SLC18A1: variants seen among roughly 807,000 people sequenced by gnomAD.
SLC18A1 encodes the protein solute carrier family 18 member A1.
A neutral mutation model predicts 53.7 loss-of-function variants in SLC18A1; 69 were observed. That is an observed-to-expected ratio of 1.28 (90% CI 1.06 to 1.57). The LOEUF (loss-of-function observed/expected upper bound fraction) is 1.57, where lower values mean the gene tolerates loss of function less well. SLC18A1 is among the 40% of genes most tolerant of loss of function. The pLI is 0.00. For synonymous variants in SLC18A1, 320 were observed against 248.1 expected, an observed-to-expected ratio of 1.29 and a Z score of -2.72; for missense variants, 932 against 668.1, an observed-to-expected ratio of 1.40 and a Z score of -4.35.
Position 20,151,154 on chromosome 8 carries a change from TTTTG to T in SLC18A1, c.1016-414_1016-411del, listed in dbSNP as rs1554534418. The stretch of plus-strand genomic sequence containing the variant: ...ACCTAGTTGTTTTTTTTTGTTTTTT[TTTTG>T]TTTGTTTGTTTGTTTGTTTGTTTTG... On this transcript the variant is annotated intron_variant, in intron 10 of 15. Transcript: ENST00000276373. 2.4e-3 allele frequency among the ~76,000 whole-genome samples: 348 copies of T among 147,488 alleles called. 3 individuals carry two copies. Among genetic ancestry groups the T allele is most frequent in the African/African-American group, 7.9e-3 (311 of 39,532 alleles).
chr8:20,157,165 TA>T (rs2071703959), intron 10 of SLC18A1, among the ~76,000 whole-genome samples: 1 of 152,206 alleles, frequency 6.6e-6, no homozygotes, highest in Non-Finnish European at 1.5e-5. Flanking sequence ...GGAAAATGAC[TA>T]GGGGTGCTGG....
intron 2 of SLC18A1, among the ~76,000 whole-genome samples, chr8:20,180,273 A>T (rs1428514177): frequency 2.0e-5 from 3 of 152,072 alleles, no homozygotes; most frequent in African/African-American, 7.2e-5. Context: ...TCTCAGAAAG[A>T]TCCTTTTTTA....
intron 10 of SLC18A1, among the ~76,000 whole-genome samples, chr8:20,159,594 A>G (rs1021628635): frequency 7.5e-6 from 1 of 132,770 alleles, no homozygotes; most frequent in African/African-American, 2.7e-5. Context: ...CTCCCATTAT[A>G]TGGTAGCTCT....
intron 10 of SLC18A1, among the ~76,000 whole-genome samples, chr8:20,162,455 T>C (rs1018055096): frequency 5.9e-5 from 9 of 152,230 alleles, no homozygotes; most frequent in African/African-American, 1.4e-4. Context: ...CTTTTAACCA[T>C]AAATTTCACC....
intron 10 of SLC18A1, among the ~76,000 whole-genome samples, chr8:20,162,001 G>A (rs73210894): frequency 0.33 from 50,738 of 152,104 alleles, 10,294 homozygotes; most frequent in Non-Finnish European, 0.45. Context: ...CATAGCTCTT[G>A]CATTCTGCGC....
At chr8:20,180,153 A>G (rs2072388230) in intron 2 of SLC18A1, among the ~76,000 whole-genome samples, 1 of 106,184 alleles carries the variant, frequency 9.4e-6, no homozygotes, top group African/African-American at 3.6e-5. Context: ...TTTCCCTGGG[A>G]GCAATGATTC....
chr8:20,176,493 C>G (rs1224609492), intron 4 of SLC18A1, among the ~76,000 whole-genome samples: 1 of 152,144 alleles, frequency 6.6e-6, no homozygotes, highest in East Asian at 1.9e-4. Flanking sequence ...TCTAGGCAAA[C>G]CAGGAGAGTT....
In SLC18A1 at chr8:20,181,068, G is replaced by T. The variant is rs541712683; in HGVS notation, c.-104C>A. ...CTTTATGGAAGAGGGGAGGGAGTCTGCCCAGACGAAGGAAACTCACTATTA... is the reference window on the plus strand; with the variant it reads ...CTTTATGGAAGAGGGGAGGGAGTCTTCCCAGACGAAGGAAACTCACTATTA... On this transcript the variant is annotated 5_prime_UTR_variant, in exon 2 of 16. Coordinates refer to ENST00000276373, the MANE Select transcript of SLC18A1 (RefSeq NM_003053.4). 2,643 of 1,391,428 alleles carry T rather than the reference G, an allele frequency of 1.9e-3. 1 individual carries two copies. Among genetic ancestry groups the T allele is most frequent in the Non-Finnish European group, 2.3e-3 (2,461 of 1,048,114 alleles). The allele number at this position is 1,391,428 out of a possible 1,614,324, so 86.2% of individuals were successfully genotyped here. A position where few individuals can be genotyped will look rare whatever the true frequency, so the allele number is the denominator to read the frequency against.
In SLC18A1 at chr8:20,176,736, T is replaced by G. The variant is rs563746825; in HGVS notation, c.547+1699A>C. Among the ~76,000 whole-genome samples, 3 of 152,330 alleles carry G rather than the reference T, an allele frequency of 2.0e-5. 1 individual carries two copies. In the South Asian group the frequency reaches 6.2e-4, roughly 32 times the overall value. ...TGGTTAGAATTAGGCCAACTCCATATAGCAACACAGCTATCCTATGGAAAT... is the reference window on the plus strand; with the variant it reads ...TGGTTAGAATTAGGCCAACTCCATAGAGCAACACAGCTATCCTATGGAAAT... On this transcript the variant is annotated intron_variant, in intron 4 of 15. Coordinates refer to ENST00000276373, the MANE Select transcript of SLC18A1 (RefSeq NM_003053.4).
chr8:20,146,203 C>G (rs17840570), intron 15 of SLC18A1, among the ~76,000 whole-genome samples: 1 of 152,148 alleles, frequency 6.6e-6, no homozygotes, highest in Non-Finnish European at 1.5e-5. Context: ...GCGTGAGCCA[C>G]CGCGCCCGGC....
At chr8:20,160,845 T>C (rs73608309) in intron 10 of SLC18A1, among the ~76,000 whole-genome samples, 4,309 of 152,112 alleles carry the variant, frequency 0.028, 92 homozygotes, top group South Asian at 0.061. Context: ...TGGGTCATAA[T>C]ACAGCCGAAG....
intron 10 of SLC18A1, among the ~76,000 whole-genome samples, chr8:20,160,425 G>C (rs771702971): frequency 1.3e-5 from 2 of 151,284 alleles, no homozygotes; most frequent in African/African-American, 2.4e-5. Context: ...GTGCAAAATA[G>C]GTGCTCCAGA....
chr8:20,179,507 G>A (rs190238523), intron 2 of SLC18A1, 23 bp from the exon 3 acceptor site: 30 of 1,589,160 alleles, frequency 1.9e-5, no homozygotes, highest in African/African-American at 2.7e-5. Context: ...GAGGACAGGT[G>A]ATGGGGGCTA....
At chr8:20,163,604 C>T (rs1475114722) in intron 10 of SLC18A1, among the ~76,000 whole-genome samples, 4 of 152,092 alleles carry the variant, frequency 2.6e-5, no homozygotes, top group African/African-American at 7.2e-5. Context: ...TGTACAGCAG[C>T]GATTTTCTAG....
chr8:20,160,623 G>T (rs1426313816), intron 10 of SLC18A1, among the ~76,000 whole-genome samples: 1 of 152,094 alleles, frequency 6.6e-6, no homozygotes, highest in Non-Finnish European at 1.5e-5. Flanking sequence ...TAGGATTCCA[G>T]ATGAAAATGA....
intron 8 of SLC18A1, among the ~76,000 whole-genome samples, chr8:20,170,584 T>C (rs2072087678): frequency 6.6e-6 from 1 of 151,812 alleles, no homozygotes; most frequent in Non-Finnish European, 1.5e-5. Flanking sequence ...GTACCAACTC[T>C]GATATTTATT....
chr8:20,174,272 C>A (rs530270234), intron 5 of SLC18A1, 89 bp downstream of exon 5: 1 of 987,236 alleles, frequency 1.0e-6, no homozygotes, highest in Non-Finnish European at 1.6e-6. Context: ...TCCTTAATTT[C>A]TCCATGTAAA....
At chr8:20,148,331 C>T in intron 12 of SLC18A1, 1 of 677,716 alleles carries the variant, frequency 1.5e-6, no homozygotes, top group Non-Finnish European at 2.3e-6. Flanking sequence ...CAAGTTTGGA[C>T]CTCAGACTTG....
At chr8:20,167,333 C>A (rs906803782) in intron 8 of SLC18A1, among the ~76,000 whole-genome samples, 2 of 151,998 alleles carry the variant, frequency 1.3e-5, no homozygotes, top group Non-Finnish European at 2.9e-5. Flanking sequence ...TTTATAATGG[C>A]ATGGGTAAGT....
Sources: allele counts gnomAD v4.1 joint callset (sites outside exome capture counted in the v4.1 genomes callset), GRCh38; gene constraint gnomAD v4.1.1; transcripts MANE v1.5; gene names NCBI Gene and HGNC (gene_info 2026-07-23, HGNC 2026-07-21).